NTM: variants seen among roughly 807,000 people sequenced by gnomAD.
NTM encodes IgLON family member 2.
NTM carries 13 observed loss-of-function variants against 42.1 expected under a neutral mutation model. The observed-to-expected ratio is 0.31, with a 90% CI of 0.20 to 0.49. The LOEUF (loss-of-function observed/expected upper bound fraction) is 0.49. NTM is among the 20% of genes least tolerant of loss of function. NTM has a pLI of 0.99. For missense variants in NTM, 373 were observed against 452.8 expected (o/e 0.82, Z 1.60); for synonymous variants, 187 against 179.2 (o/e 1.04, Z -0.35).
chr11:131,590,739 T>C (rs896020105), intron 1 of NTM, among the ~76,000 whole-genome samples: 3 of 152,220 alleles, frequency 2.0e-5, no homozygotes, highest in African/African-American at 7.2e-5. Context: ...TTCTCCATCT[T>C]GTAGGTGAGG....
At chr11:131,452,791 G>A (rs1246603965) in intron 1 of NTM, among the ~76,000 whole-genome samples, 6 of 152,172 alleles carry the variant, frequency 3.9e-5, no homozygotes, top group Admixed American at 3.3e-4. Flanking sequence ...TTAGAATCAG[G>A]CCACACAGGT....
intron 1 of NTM, among the ~76,000 whole-genome samples, chr11:131,843,770 T>C (rs902259877): frequency 6.6e-5 from 10 of 152,250 alleles, no homozygotes; most frequent in Non-Finnish European, 1.5e-4. Context: ...TCCTGATTGC[T>C]AGTGTGGTTG....
chr11:131,655,511 C>G (rs2067066264), intron 1 of NTM, among the ~76,000 whole-genome samples: 1 of 152,220 alleles, frequency 6.6e-6, no homozygotes, highest in Admixed American at 6.5e-5. Context: ...ACAGAGAAGT[C>G]TCTGGCTCGG....
intron 1 of NTM, among the ~76,000 whole-genome samples, chr11:131,405,899 C>T (rs1945759722): frequency 6.6e-6 from 1 of 152,158 alleles, no homozygotes; most frequent in Non-Finnish European, 1.5e-5. Context: ...GCACACTTGC[C>T]ATGTCTTCTT....
At chr11:132,144,630 G>A (rs1003884940) in intron 2 of NTM, among the ~76,000 whole-genome samples, 18 of 152,268 alleles carry the variant, frequency 1.2e-4, no homozygotes, top group African/African-American at 3.1e-4. Context: ...AGTAGACTGG[G>A]GGTGAGACTA....
intron 3 of NTM, among the ~76,000 whole-genome samples, chr11:132,174,833 C>G (rs2076571426): frequency 6.6e-6 from 1 of 152,094 alleles, no homozygotes; most frequent in Non-Finnish European, 1.5e-5. Flanking sequence ...TGCTTCACGT[C>G]TGTTTGTGTT....
At chr11:131,913,548 A>C (rs2055685453) in intron 2 of NTM, among the ~76,000 whole-genome samples, 1 of 152,074 alleles carries the variant, frequency 6.6e-6, no homozygotes. Flanking sequence ...TTCTTTTTGA[A>C]ATCGCGTTAT....
chr11:131,706,777 T>G (rs2076633803), intron 1 of NTM, among the ~76,000 whole-genome samples: 1 of 152,012 alleles, frequency 6.6e-6, no homozygotes, highest in Admixed American at 6.6e-5. Context: ...TTTTAAAATC[T>G]TAAAACAAAC....
chr11:131,664,113 C>T (rs982194434), intron 1 of NTM, among the ~76,000 whole-genome samples: 1 of 152,198 alleles, frequency 6.6e-6, no homozygotes, highest in Non-Finnish European at 1.5e-5. Flanking sequence ...GGACAGGGCT[C>T]CAGTGCAGCC....
intron 1 of NTM, among the ~76,000 whole-genome samples, chr11:131,891,985 G>A (rs183968633): frequency 2.0e-5 from 3 of 152,298 alleles, no homozygotes; most frequent in East Asian, 1.9e-4. Flanking sequence ...TTCTCAAGGA[G>A]AGAGGGTAGC....
intron 1 of NTM, among the ~76,000 whole-genome samples, chr11:131,672,848 G>C (rs1311264654): frequency 8.1e-6 from 1 of 123,566 alleles, no homozygotes; most frequent in Non-Finnish European, 1.7e-5. Flanking sequence ...GTGCCGGGGT[G>C]GGGGTGGGGT....
intron 1 of NTM, among the ~76,000 whole-genome samples, chr11:131,520,927 T>A (rs1020049105): frequency 6.6e-6 from 1 of 152,166 alleles, no homozygotes; most frequent in South Asian, 2.1e-4. Flanking sequence ...GGCATCAGCA[T>A]TGGCTTCCGT....
At position 131,435,513 on chromosome 11, in the gene NTM, G is replaced by A. The variant is rs1949049632; in HGVS notation, c.82+64625G>A. On this transcript the variant is annotated intron_variant, in intron 1 of 8. Transcript: ENST00000683400. Reference sequence around the variant, plus strand: ...CTTGAAGAGGTCCCTCACATCCCTTGTAAGTTGGATTCCTAGTTATTTGAT... The same window carrying A: ...CTTGAAGAGGTCCCTCACATCCCTTATAAGTTGGATTCCTAGTTATTTGAT... 1.3e-5 allele frequency among the ~76,000 whole-genome samples: 2 copies of A among 152,166 alleles called. 1 individual carries two copies. Among genetic ancestry groups the A allele is most frequent in the Admixed American group, 1.3e-4 (2 of 15,286 alleles).
intron 8 of NTM, among the ~76,000 whole-genome samples, chr11:132,333,441 A>G (rs1001841229): frequency 6.6e-6 from 1 of 152,124 alleles, no homozygotes; most frequent in African/African-American, 2.4e-5. Flanking sequence ...ACAAAGGGGG[A>G]ACGTCTGGTG....
chr11:132,225,935 T>C (rs532994178), intron 4 of NTM, among the ~76,000 whole-genome samples: 1 of 152,222 alleles, frequency 6.6e-6, no homozygotes, highest in South Asian at 2.1e-4. Context: ...ATTGTTCAGC[T>C]CCCACTTATG....
At chr11:131,559,328 C>T (rs572718326) in intron 1 of NTM, among the ~76,000 whole-genome samples, 343 of 152,348 alleles carry the variant, frequency 2.3e-3, no homozygotes, top group Non-Finnish European at 4.1e-3. Context: ...AACTTATCTA[C>T]GACTGCTGGT....
chr11:132,135,274 G>A (rs1356214714), intron 2 of NTM, among the ~76,000 whole-genome samples: 21 of 152,326 alleles, frequency 1.4e-4, no homozygotes, highest in Non-Finnish European at 2.9e-5. Context: ...CCTGCTCCCA[G>A]TGCCTGACTA....
intron 1 of NTM, among the ~76,000 whole-genome samples, chr11:131,602,734 C>T (rs1434011486): frequency 6.6e-6 from 1 of 152,166 alleles, no homozygotes; most frequent in East Asian, 1.9e-4. Flanking sequence ...TCAAACTTAA[C>T]ATTCTCCAAA....
At chr11:132,141,897 G>A (rs2069234510) in intron 2 of NTM, among the ~76,000 whole-genome samples, 1 of 152,192 alleles carries the variant, frequency 6.6e-6, no homozygotes, top group African/African-American at 2.4e-5. Context: ...GGATGCTGAT[G>A]GGAAAACCAT....
Sources: gnomAD v4.1 joint callset for allele counts (sites outside exome capture counted in the v4.1 genomes callset) on GRCh38, gnomAD v4.1.1 for gene constraint, MANE v1.5 for transcripts, NCBI Gene and HGNC (gene_info 2026-07-23, HGNC 2026-07-21) for gene names.